The following ZNF385D variants were observed in gnomAD, a reference collection of about 807,000 sequenced individuals.
ZNF385D encodes the protein zinc finger protein 659.
Under a neutral mutation model 35.8 loss-of-function variants are expected in ZNF385D, and 15 were observed. The observed-to-expected ratio is 0.42, with a 90% CI of 0.28 to 0.64. The LOEUF (loss-of-function observed/expected upper bound fraction) is 0.64. ZNF385D is among the 30% of genes least tolerant of loss of function. The pLI is 0.23. For missense variants in ZNF385D, 474 were observed against 494.6 expected (o/e 0.96, Z 0.39); for synonymous variants, 212 against 186.8 (o/e 1.13, Z -1.10).
At chr3:21,567,491 C>T (rs2063190076) in intron 2 of ZNF385D, among the ~76,000 whole-genome samples, 1 of 152,130 alleles carries the variant, frequency 6.6e-6, no homozygotes, top group African/African-American at 2.4e-5. Flanking sequence ...TCATTCTGTT[C>T]TCTAGGATCA....
intron 3 of ZNF385D, among the ~76,000 whole-genome samples, chr3:21,906,502 C>T (rs1463941277): frequency 6.6e-6 from 1 of 152,146 alleles, no homozygotes. Flanking sequence ...GAACGGAGAA[C>T]TTTCAGGATG....
At chr3:21,531,410 T>G (rs2061919235) in intron 3 of ZNF385D, among the ~76,000 whole-genome samples, 1 of 152,192 alleles carries the variant, frequency 6.6e-6, no homozygotes, top group African/African-American at 2.4e-5. Context: ...CTCTGACATT[T>G]ACTCAACGAG....
At chr3:21,671,419 G>A (rs774054749) in intron 1 of ZNF385D, among the ~76,000 whole-genome samples, 9 of 152,166 alleles carry the variant, frequency 5.9e-5, no homozygotes, top group Non-Finnish European at 1.3e-4. Context: ...AGTAAAGCTA[G>A]AGAATATAGA....
chr3:22,004,508 G>C (rs1696072865), intron 3 of ZNF385D, among the ~76,000 whole-genome samples: 1 of 152,182 alleles, frequency 6.6e-6, no homozygotes, highest in Non-Finnish European at 1.5e-5. Context: ...TGTGGAATAG[G>C]AGAAAGTGTT....
At chr3:21,568,875 A>C (rs2063236109) in intron 2 of ZNF385D, among the ~76,000 whole-genome samples, 1 of 152,204 alleles carries the variant, frequency 6.6e-6, no homozygotes, top group African/African-American at 2.4e-5. Flanking sequence ...GAAACTTCAG[A>C]TATATTTCAC....
intron 4 of ZNF385D, among the ~76,000 whole-genome samples, chr3:21,492,978 CAGTTAT>C (rs1705548357): frequency 1.3e-5 from 2 of 151,680 alleles, no homozygotes; most frequent in Admixed American, 1.3e-4. Context: ...ATCATTATTC[CAGTTAT>C]AGTTATTAGG....
chr3:22,357,628 G>A (rs891304818), intron 2 of ZNF385D, among the ~76,000 whole-genome samples: 3 of 151,724 alleles, frequency 2.0e-5, no homozygotes, highest in African/African-American at 7.3e-5. Context: ...CTTATTTCTT[G>A]TTCCTTCAGT....
At chr3:21,540,544 C>A (rs568063106) in intron 3 of ZNF385D, among the ~76,000 whole-genome samples, 1 of 152,238 alleles carries the variant, frequency 6.6e-6, no homozygotes, top group South Asian at 2.1e-4. Context: ...AAAATAAGCT[C>A]TGCTTGGGAA....
intron 4 of ZNF385D, among the ~76,000 whole-genome samples, chr3:21,458,070 A>T (rs1001490211): frequency 2.0e-5 from 3 of 152,180 alleles, no homozygotes; most frequent in Non-Finnish European, 4.4e-5. Flanking sequence ...TGAAAAAAAT[A>T]TTGAGATTAA....
At chr3:22,307,869 A>T (rs1292400245) in intron 2 of ZNF385D, among the ~76,000 whole-genome samples, 1 of 152,120 alleles carries the variant, frequency 6.6e-6, no homozygotes, top group Non-Finnish European at 1.5e-5. Context: ...AAGACTAGTA[A>T]GATCATCAAA....
chr3:22,266,274 G>T (rs982640911), intron 2 of ZNF385D, among the ~76,000 whole-genome samples: 1 of 151,896 alleles, frequency 6.6e-6, no homozygotes, highest in South Asian at 2.1e-4. Context: ...AAGTCATGCC[G>T]ACTGGTAGAA....
intron 3 of ZNF385D, among the ~76,000 whole-genome samples, chr3:22,102,840 C>T (rs1472598084): frequency 1.3e-5 from 2 of 151,024 alleles, no homozygotes; most frequent in Admixed American, 6.6e-5. Context: ...AGCATTGGGG[C>T]CTTTTTTTAT....
At chr3:22,179,604 C>T (rs1695085098) in intron 2 of ZNF385D, among the ~76,000 whole-genome samples, 1 of 152,124 alleles carries the variant, frequency 6.6e-6, no homozygotes, top group Non-Finnish European at 1.5e-5. Flanking sequence ...ATTGCCCTGG[C>T]CAGAACTTCG....
At chr3:22,079,716 A>AT (rs1245445184) in intron 3 of ZNF385D, among the ~76,000 whole-genome samples, 9 of 151,998 alleles carry the variant, frequency 5.9e-5, no homozygotes, top group African/African-American at 9.7e-5. Flanking sequence ...TATTTGTATC[A>AT]TTTTCTCTTT....
chr3:21,740,235 A>G (rs17620313), intron 1 of ZNF385D, among the ~76,000 whole-genome samples: 30,000 of 152,140 alleles, frequency 0.2, 3,032 homozygotes, highest in Middle Eastern at 0.32. Context: ...CTGATTTCCC[A>G]CATGTGCATA....
intron 2 of ZNF385D, among the ~76,000 whole-genome samples, chr3:21,583,986 A>ATTTATTTATTT (rs1559431670): frequency 6.7e-6 from 1 of 149,692 alleles, no homozygotes; most frequent in African/African-American, 2.5e-5. Context: ...TTATTTATTT[A>ATTTATTTATTT]TTTTTTGAGA....
intron 1 of ZNF385D, among the ~76,000 whole-genome samples, chr3:21,683,144 A>G (rs2066970116): frequency 6.7e-6 from 1 of 149,790 alleles, no homozygotes; most frequent in Admixed American, 6.7e-5. Flanking sequence ...AATTGAAAAC[A>G]CTGAGGCCAG....
chr3:22,038,116 T>A (rs921680165), intron 3 of ZNF385D, among the ~76,000 whole-genome samples: 6 of 152,172 alleles, frequency 3.9e-5, no homozygotes, highest in African/African-American at 1.4e-4. Flanking sequence ...GCACATGAAA[T>A]TGAACTCCAT....
In ZNF385D at chr3:22,340,935, A is replaced by G. The variant is rs549189702; in HGVS notation, c.106+31515T>C. The stretch of plus-strand genomic sequence containing the variant: ...AGGACATCTTTCCTTTGTATATTCT[A>G]TCTCTTCCCATATTATCAGGTCAAT... On this transcript the variant is annotated intron_variant, in intron 2 of 5. Transcript: ENST00000494108. 2.6e-5 allele frequency among the ~76,000 whole-genome samples: 4 copies of G among 152,272 alleles called. No homozygotes were observed. The South Asian group carries it at 6.2e-4, about 24-fold the overall frequency.
Sources: gnomAD v4.1 joint callset for allele counts (sites outside exome capture counted in the v4.1 genomes callset) on GRCh38, gnomAD v4.1.1 for gene constraint, MANE v1.5 for transcripts, NCBI Gene and HGNC (gene_info 2026-07-23, HGNC 2026-07-21) for gene names.